Variants in ZNF737 observed in about 807,000 individuals in gnomAD.
ZNF737 encodes the protein zinc finger protein 102 (Y3).
ZNF737 carries 13 observed loss-of-function variants against 11.7 expected under a neutral mutation model. The ratio of observed to expected loss-of-function variants is 1.11; its 90% CI spans 0.73 to 1.77. ZNF737 has a LOEUF of 1.77. ZNF737 is among the 40% of genes most tolerant of loss of function. ZNF737 has a pLI of 0.00. For synonymous variants in ZNF737, 217 were observed against 216.2 expected, an observed-to-expected ratio of 1.00 and a Z score of -0.03; for missense variants, 636 against 638.0, an observed-to-expected ratio of 1.00 and a Z score of 0.03.
chr19:20,539,055 G>A lies in ZNF737; in HGVS notation c.*5537C>T, dbSNP rs192396864. ...TCATGCCTGTAATCCCAGCACTCTG[G>A]GAGGCTGAGGTGGATGGATCACCTG... On this transcript the variant is annotated 3_prime_UTR_variant, in exon 4 of 4. Transcript: ENST00000427401. The A allele has an allele frequency of 6.4e-5, 61 of 946,410 alleles. No individual in the cohort carries two copies. The African/African-American group carries it at 9.0e-4, about 14-fold the overall frequency. 58.6% of individuals were successfully genotyped at this position (946,410 alleles called of 1,614,324 possible).
chr19:20,550,986 T>C (rs150697420), intron 3 of ZNF737: 9 of 152,356 alleles, frequency 5.9e-5, no homozygotes, highest in African/African-American at 1.9e-4. Context: ...GTCCTGCCAT[T>C]CCAGAGACCT....
chr19:20,554,435 A>G (rs1555759926), intron 1 of ZNF737, among the ~76,000 whole-genome samples: 1 of 152,218 alleles, frequency 6.6e-6, no homozygotes, highest in East Asian at 1.9e-4. Flanking sequence ...AAAAATTAAG[A>G]AAAAAGGACA....
chr19:20,545,933 G>A lies in ZNF737; in HGVS notation c.270C>T (p.Ser90=), dbSNP rs1555756950. 1 of 1,581,038 alleles carries A rather than the reference G, an allele frequency of 6.3e-7. No homozygotes were observed. The highest frequency in any genetic ancestry group is 8.6e-7 in the Non-Finnish European group (1 of 1,167,356). The change falls in exon 4 of 4, where the codon AGC becomes AGT. Residue 90 remains serine (S), a synonymous_variant. Transcript: ENST00000427401. ...HFARDLWPEQ[S]IKDSFQKVTL... ...TCACTTTTTGGAAAGAATCTTTTAT[G>A]CTCTGCTCTGGCCAAAGATCTCGGG...
Position 20,545,383 on chromosome 19 carries a change from T to C in ZNF737, c.820A>G (p.Thr274Ala), listed in dbSNP as rs57947174. Residue 274 changes from threonine (T) to alanine (A), a missense_variant, in exon 4 of 4, where the codon ACA becomes GCA. Physicochemically the swap from Thr to Ala is moderately conservative, Grantham distance 58 (BLOSUM62 0). Coordinates refer to ENST00000427401, the MANE Select transcript of ZNF737 (RefSeq NM_001159293.2). ...KAFKRSSNLTTHKIIHTGEKP... is the reference protein window; with the variant it reads ...KAFKRSSNLTAHKIIHTGEKP... ...TCTCCAGTATGAATTATCTTATGTGTAGTAAGGTTAGAGGAGCGCTTAAAG... is the reference window on the plus strand; with the variant it reads ...TCTCCAGTATGAATTATCTTATGTGCAGTAAGGTTAGAGGAGCGCTTAAAG... 1.2e-4 allele frequency: 194 copies of C among 1,612,856 alleles called. No homozygotes were observed. The African/African-American group carries it at 2.3e-3, about 19-fold the overall frequency.
chr19:20,545,024 T>C lies in ZNF737; in HGVS notation c.1179A>G (p.Gly393=). Residue 393 remains glycine (G), a synonymous_variant, in exon 4 of 4, where the codon GGA becomes GGG. Coordinates refer to ENST00000427401, the MANE Select transcript of ZNF737 (RefSeq NM_001159293.2). ...ATTCTTCACATTTGTAGGGTTTCTCTCCAGTATGAATTCTCTTATGTGTAG... is the reference window on the plus strand; with the variant it reads ...ATTCTTCACATTTGTAGGGTTTCTCCCCAGTATGAATTCTCTTATGTGTAG... ...HLTTHKRIHT[G]EKPYKCEECG... The C allele has an allele frequency of 1.2e-6, 2 of 1,613,896 alleles. No individual in the cohort carries two copies. The highest frequency in any genetic ancestry group is 2.2e-5 in the South Asian group (2 of 91,040).
chr19:20,551,636 TAAAAC>T (rs1376007014), intron 3 of ZNF737, among the ~76,000 whole-genome samples: 2 of 151,996 alleles, frequency 1.3e-5, no homozygotes, highest in East Asian at 1.9e-4. Context: ...TTCATACGCT[TAAAAC>T]AAACTATCTG....
In ZNF737 at chr19:20,539,619, G is replaced by A. The variant is rs188383806; in HGVS notation, c.*4973C>T. 133 of 958,734 alleles carry A rather than the reference G, an allele frequency of 1.4e-4. No individual in the cohort carries two copies. In the African/African-American group the frequency reaches 2.2e-3, roughly 16 times the overall value. 59.4% of individuals were successfully genotyped at this position (958,734 alleles called of 1,614,324 possible). The stretch of plus-strand genomic sequence containing the variant: ...ATTCAAAAAATATTCATATTAATGT[G>A]TTTACAGTTTAATCTTGTATTACAG... On this transcript the variant is annotated 3_prime_UTR_variant, in exon 4 of 4. Coordinates refer to ENST00000427401, the MANE Select transcript of ZNF737 (RefSeq NM_001159293.2).
chr19:20,557,498 A>G (rs1038412958), intron 1 of ZNF737, among the ~76,000 whole-genome samples: 27 of 151,998 alleles, frequency 1.8e-4, no homozygotes, highest in African/African-American at 6.5e-4. Context: ...AAAAAAAAAA[A>G]AAAGAAAACT....
At position 20,543,236 on chromosome 19, in the gene ZNF737, T is replaced by C. The variant is rs781791215; in HGVS notation, c.*1356A>G. The C allele has an allele frequency of 3.4e-4, 333 of 985,414 alleles. No homozygotes were observed. Among genetic ancestry groups the C allele is most frequent in the Non-Finnish European group, 3.6e-4 (298 of 829,916 alleles). 61.0% of individuals were successfully genotyped at this position (985,414 alleles called of 1,614,324 possible). ...AAAGTGTTTCTAAACTTAATACATT[T>C]GTAGGACTCATCTCCAATATAAATT... On this transcript the variant is annotated 3_prime_UTR_variant, in exon 4 of 4. Transcript: ENST00000427401.
chr19:20,565,445 C>T (rs1969260622), intron 1 of ZNF737, among the ~76,000 whole-genome samples, 193 bp downstream of exon 1: 1 of 152,138 alleles, frequency 6.6e-6, no homozygotes, highest in Non-Finnish European at 1.5e-5. Context: ...AGACACAGGA[C>T]GCCAGGGGGC....
rs149455256 is a variant in ZNF737, at chr19:20,544,333, C to A, written c.*259G>T. On this transcript the variant is annotated 3_prime_UTR_variant, in exon 4 of 4. Coordinates refer to ENST00000427401, the MANE Select transcript of ZNF737 (RefSeq NM_001159293.2). ...AGCTGGTTAAAGGCTTTCCGACATTCATCAAACTCACAGGGTTTCTCTCCA... is the reference window on the plus strand; with the variant it reads ...AGCTGGTTAAAGGCTTTCCGACATTAATCAAACTCACAGGGTTTCTCTCCA... The A allele has an allele frequency of 5.0e-4, 652 of 1,308,974 alleles. 7 individuals are homozygous for A. In the African/African-American group the frequency reaches 9.0e-3, roughly 18 times the overall value. The allele number at this position is 1,308,974 out of a possible 1,614,324, so 81.1% of individuals were successfully genotyped here. A position where few individuals can be genotyped will look rare whatever the true frequency, so the allele number is the denominator to read the frequency against.
Position 20,543,205 on chromosome 19 carries a change from G to GA in ZNF737, c.*1386dup, listed in dbSNP as rs377391439. The GA allele has an allele frequency of 2.7e-5, 27 of 983,094 alleles. No homozygotes were observed. The highest frequency in any genetic ancestry group is 1.9e-4 in the South Asian group (4 of 21,224). 60.9% of individuals were successfully genotyped at this position (983,094 alleles called of 1,614,324 possible). On this transcript the variant is annotated 3_prime_UTR_variant, in exon 4 of 4. Transcript: ENST00000427401. Reference sequence around the variant, plus strand: ...TGTTTTCTAAGCTGTAGTTTCTGGGGAAAAAAAAGTGTTTCTAAACTTAAT... The same window carrying GA: ...TGTTTTCTAAGCTGTAGTTTCTGGGGAAAAAAAAAGTGTTTCTAAACTTAAT...
Position 20,540,134 on chromosome 19 carries a change from TAC to T in ZNF737, c.*4456_*4457del. On this transcript the variant is annotated 3_prime_UTR_variant, in exon 4 of 4. Coordinates refer to ENST00000427401, the MANE Select transcript of ZNF737 (RefSeq NM_001159293.2). The stretch of plus-strand genomic sequence containing the variant: ...GGAGGAGGCAGAAATGATGGCAAGA[TAC>T]AAACATTTTTCCCGCCATGTGGCCA... The T allele has an allele frequency of 9.1e-6, 9 of 985,358 alleles. No individual in the cohort carries two copies. The highest frequency in any genetic ancestry group is 9.6e-6 in the Non-Finnish European group (8 of 829,920). 61.0% of individuals were successfully genotyped at this position (985,358 alleles called of 1,614,324 possible).
chr19:20,550,456 A>C (rs2562641), intron 3 of ZNF737, among the ~76,000 whole-genome samples: 8,185 of 152,314 alleles, frequency 0.054, 280 homozygotes, highest in East Asian at 0.2. Context: ...ATTTGAATCT[A>C]AAATTACAGA....
chr19:20,561,401 T>G (rs768489925), intron 1 of ZNF737, among the ~76,000 whole-genome samples: 9 of 152,138 alleles, frequency 5.9e-5, no homozygotes, highest in Non-Finnish European at 1.2e-4. Context: ...CTAGTGTGTG[T>G]GTTTGTGAGT....
intron 1 of ZNF737, among the ~76,000 whole-genome samples, chr19:20,563,170 T>A (rs1314616484): frequency 6.8e-6 from 1 of 147,604 alleles, no homozygotes; most frequent in Non-Finnish European, 1.5e-5. Flanking sequence ...CCCTCTAAGT[T>A]TCCTTTCATC....
intron 3 of ZNF737, among the ~76,000 whole-genome samples, 187 bp from the exon 4 acceptor site, chr19:20,546,163 A>C (rs1968448624): frequency 6.6e-6 from 1 of 152,214 alleles, no homozygotes; most frequent in Non-Finnish European, 1.5e-5. Context: ...ATTTGTAAAA[A>C]ATTTATAAGT....
Position 20,541,627 on chromosome 19 carries a change from C to T in ZNF737, c.*2965G>A, listed in dbSNP as rs141062434. Among the ~76,000 whole-genome samples, 1,968 of 152,168 alleles carry T rather than the reference C, an allele frequency of 0.013. 44 individuals carry two copies. Among genetic ancestry groups the T allele is most frequent in the African/African-American group, 0.045 (1,867 of 41,522 alleles). On this transcript the variant is annotated 3_prime_UTR_variant, in exon 4 of 4. Coordinates refer to ENST00000427401, the MANE Select transcript of ZNF737 (RefSeq NM_001159293.2). The stretch of plus-strand genomic sequence containing the variant: ...TTTTAGTAGAGACAAGGTTTCACCA[C>T]GTTGGCCAGGCTGGCCTTGAACTCC...
In ZNF737 at chr19:20,548,322, T is replaced by C. The variant is rs782812826; in HGVS notation, c.227-2346A>G. Among the ~76,000 whole-genome samples, 60 of 152,312 alleles carry C rather than the reference T, an allele frequency of 3.9e-4. 1 individual carries two copies. Among genetic ancestry groups the C allele is most frequent in the Middle Eastern group, 3.4e-3 (1 of 294 alleles). ...AACATATACATATGATGAAGTATTA[T>C]TCCACCTTAGAAAAAACAATCTTGT... On this transcript the variant is annotated intron_variant, in intron 3 of 3. Coordinates refer to ENST00000427401, the MANE Select transcript of ZNF737 (RefSeq NM_001159293.2).
Sources: gnomAD v4.1 joint callset for allele counts (sites outside exome capture counted in the v4.1 genomes callset) on GRCh38, gnomAD v4.1.1 for gene constraint, MANE v1.5 for transcripts, NCBI Gene and HGNC (gene_info 2026-07-23, HGNC 2026-07-21) for gene names.